The following GLT1D1 variants were observed in gnomAD, a reference collection of about 807,000 sequenced individuals.
GLT1D1 encodes glycosyltransferase 1 domain containing 1.
A neutral mutation model predicts 28.7 loss-of-function variants in GLT1D1; 21 were observed. The observed-to-expected ratio is 0.73, with a 90% CI of 0.52 to 1.05. GLT1D1 has a LOEUF of 1.05. Ranked by LOEUF, GLT1D1 falls within the 50% of genes least tolerant of loss-of-function variation. The probability of loss-of-function intolerance (pLI) is 0.00; values close to 1 mark genes in which losing one functional copy is unlikely to be tolerated. For missense variants in GLT1D1, 343 were observed against 330.6 expected (o/e 1.04, Z -0.29); for synonymous variants, 147 against 124.8 (o/e 1.18, Z -1.19).
chr12:128,893,140 G>T (rs992485189), intron 3 of GLT1D1, among the ~76,000 whole-genome samples: 1 of 152,164 alleles, frequency 6.6e-6, no homozygotes, highest in African/African-American at 2.4e-5. Flanking sequence ...AGCTACTCAG[G>T]AGGCTGAGGC....
chr12:128,956,543 T>G (rs1877334740), intron 6 of GLT1D1, among the ~76,000 whole-genome samples: 1 of 152,200 alleles, frequency 6.6e-6, no homozygotes. Context: ...CTCAATGGAT[T>G]TGATCGGGAT....
intron 4 of GLT1D1, among the ~76,000 whole-genome samples, chr12:128,935,430 A>T (rs1171420867): frequency 8.6e-5 from 13 of 151,682 alleles, no homozygotes; most frequent in Admixed American, 8.6e-4. Context: ...AATCCCAGCT[A>T]CTCAGGAGGC....
At chr12:128,951,738 C>T (rs918427918) in intron 6 of GLT1D1, among the ~76,000 whole-genome samples, 3 of 152,226 alleles carry the variant, frequency 2.0e-5, no homozygotes, top group African/African-American at 7.2e-5. Flanking sequence ...AGCTGCACAA[C>T]GTCATCATCG....
At chr12:128,961,471 C>G (rs1350900041) in intron 7 of GLT1D1, among the ~76,000 whole-genome samples, 1 of 152,130 alleles carries the variant, frequency 6.6e-6, no homozygotes, top group African/African-American at 2.4e-5. Flanking sequence ...CAGTGGAGTA[C>G]TATTCAGCCA....
At chr12:128,980,274 C>T (rs771666711) in intron 7 of GLT1D1, among the ~76,000 whole-genome samples, 4 of 152,194 alleles carry the variant, frequency 2.6e-5, no homozygotes, top group Non-Finnish European at 5.9e-5. Flanking sequence ...CAGGCTCGGA[C>T]AAATCAGGAC....
chr12:128,967,391 G>A (rs1229673763), intron 7 of GLT1D1, among the ~76,000 whole-genome samples: 1 of 152,208 alleles, frequency 6.6e-6, no homozygotes, highest in Non-Finnish European at 1.5e-5. Context: ...CTCAAGTTTT[G>A]CTCTTGGAAG....
chr12:128,886,148 G>A (rs1868371561), intron 2 of GLT1D1, among the ~76,000 whole-genome samples: 1 of 152,178 alleles, frequency 6.6e-6, no homozygotes, highest in South Asian at 2.1e-4. Context: ...CCATGATTGG[G>A]AGGTCTCCCC....
In GLT1D1 at chr12:128,864,216, G is replaced by A. The variant is rs142820073; in HGVS notation, c.68+10567G>A. 31 of 641,296 alleles carry A rather than the reference G, an allele frequency of 4.8e-5. No individual in the cohort carries two copies. The African/African-American group carries it at 5.1e-4, about 11-fold the overall frequency. The allele number at this position is 641,296 out of a possible 1,614,324, so 39.7% of individuals were successfully genotyped here. On this transcript the variant is annotated intron_variant, in intron 1 of 7. Transcript: ENST00000281703. Reference sequence around the variant, plus strand: ...TTGAATTAGGGCAGTTGCAACCCACGGGCACTCCGAGAGGCTTCCGGGCTG... The same window carrying A: ...TTGAATTAGGGCAGTTGCAACCCACAGGCACTCCGAGAGGCTTCCGGGCTG...
chr12:128,896,282 A>G (rs1220767701), intron 3 of GLT1D1, among the ~76,000 whole-genome samples: 1 of 152,146 alleles, frequency 6.6e-6, no homozygotes, highest in Non-Finnish European at 1.5e-5. Context: ...ATAGGAGGAT[A>G]TATATTATCT....
At chr12:128,891,637 G>T (rs1350539359) in intron 3 of GLT1D1, among the ~76,000 whole-genome samples, 1 of 152,040 alleles carries the variant, frequency 6.6e-6, no homozygotes, top group African/African-American at 2.4e-5. Context: ...TCCATACAGG[G>T]GACAGCATTC....
chr12:128,872,232 C>T lies in GLT1D1; in HGVS notation c.69-3682C>T, dbSNP rs1444719105. ...GTGCTGGGATTACAGGCGTGAGCCA[C>T]CGCGCCTGGCCGATTCAAGGGTACT... On this transcript the variant is annotated intron_variant, in intron 1 of 7. Coordinates refer to ENST00000281703, the MANE Select transcript of GLT1D1 (RefSeq NM_144669.3). Among the ~76,000 whole-genome samples the T allele has an allele frequency of 2.0e-5, 3 of 152,302 alleles. No homozygotes were observed. The East Asian group carries it at 5.8e-4, about 29-fold the overall frequency.
chr12:128,867,941 C>A (rs1408480058), intron 1 of GLT1D1, among the ~76,000 whole-genome samples: 1 of 152,168 alleles, frequency 6.6e-6, no homozygotes, highest in Non-Finnish European at 1.5e-5. Flanking sequence ...TGTGTATAAA[C>A]TAACAATAAG....
chr12:128,945,195 G>C, intron 4 of GLT1D1, 131 bp from the exon 9 acceptor site: 1 of 904,498 alleles, frequency 1.1e-6, no homozygotes. Context: ...GCAGCCGCGA[G>C]GACACCCCCG....
intron 2 of GLT1D1, among the ~76,000 whole-genome samples, chr12:128,885,529 T>A (rs1249277301): frequency 6.6e-6 from 1 of 152,222 alleles, no homozygotes; most frequent in Non-Finnish European, 1.5e-5. Flanking sequence ...GGCCCCTCTC[T>A]TAGCAATTTT....
At chr12:128,888,572 T>G in intron 2 of GLT1D1, 67 bp from the exon 3 acceptor site, 1 of 1,017,188 alleles carries the variant, frequency 9.8e-7, no homozygotes, top group Non-Finnish European at 1.5e-6. Context: ...AGATCCTTGC[T>G]TGGGAATGGT....
intron 4 of GLT1D1, among the ~76,000 whole-genome samples, chr12:128,910,805 C>T (rs1020400612): frequency 1.3e-5 from 2 of 151,928 alleles, no homozygotes; most frequent in African/African-American, 4.8e-5. Context: ...CCTGCTTGCA[C>T]GATGAAGTGG....
At chr12:128,975,039 G>A (rs1035437333) in intron 7 of GLT1D1, among the ~76,000 whole-genome samples, 12 of 100,174 alleles carry the variant, frequency 1.2e-4, no homozygotes, top group Non-Finnish European at 2.3e-4. Context: ...GTGCCCCCCC[G>A]CACCTGCACC....
At chr12:128,908,988 G>A (rs1168405279) in intron 4 of GLT1D1, among the ~76,000 whole-genome samples, 3 of 151,838 alleles carry the variant, frequency 2.0e-5, no homozygotes, top group Non-Finnish European at 2.9e-5. Context: ...AAATAAACAC[G>A]ATAGGTCCAA....
At chr12:128,902,557 CT>C (rs1870402313) in intron 4 of GLT1D1, among the ~76,000 whole-genome samples, 3 of 151,260 alleles carry the variant, frequency 2.0e-5, no homozygotes, top group South Asian at 2.1e-4. Context: ...TTGCCACTTG[CT>C]GAGTTTGGGT....
Sources: allele counts gnomAD v4.1 joint callset (sites outside exome capture counted in the v4.1 genomes callset), GRCh38; gene constraint gnomAD v4.1.1; transcripts MANE v1.5; gene names NCBI Gene and HGNC (gene_info 2026-07-23, HGNC 2026-07-21).